MPC1: variants seen among roughly 807,000 people sequenced by gnomAD.
MPC1 encodes the protein HSPC040 protein.
MPC1 carries 6 observed loss-of-function variants against 13.9 expected under a neutral mutation model. The ratio of observed to expected loss-of-function variants is 0.43; its 90% CI spans 0.24 to 0.85. The LOEUF is 0.85. Among genes scored for constraint, MPC1 ranks in the 40% least tolerant of loss-of-function variants. The probability of loss-of-function intolerance (pLI) is 0.24; values close to 1 mark genes in which losing one functional copy is unlikely to be tolerated. For missense variants in MPC1, 115 were observed against 143.3 expected, an observed-to-expected ratio of 0.80 and a Z score of 1.01; for synonymous variants, 47 against 50.5, an observed-to-expected ratio of 0.93 and a Z score of 0.29.
intron 1 of MPC1, among the ~76,000 whole-genome samples, chr6:166,373,717 G>C (rs1583065622): frequency 1.3e-5 from 2 of 152,356 alleles, no homozygotes; most frequent in South Asian, 4.1e-4. Flanking sequence ...AGCAACGAAT[G>C]AGAGTTCCTG....
In MPC1 at chr6:166,382,923, C is replaced by G; in HGVS notation, c.-47G>C. 1 of 1,560,160 alleles carries G rather than the reference C, an allele frequency of 6.4e-7. No individual in the cohort carries two copies. Among genetic ancestry groups the G allele is most frequent in the Non-Finnish European group, 8.7e-7 (1 of 1,154,084 alleles). ...CGAGTGGTCCCTGCCTCTGCTGCCG[C>G]TTCCCAGAGCCAATGACACCCCGGC... On this transcript the variant is annotated 5_prime_UTR_variant, in exon 1 of 5. Coordinates refer to ENST00000360961, the MANE Select transcript of MPC1 (RefSeq NM_016098.4).
At position 166,374,409 on chromosome 6, in the gene MPC1, A is replaced by G. The variant is rs1481819793; in HGVS notation, c.72-4188T>C. ...TCATTCTCTTGACAGCATCCTTCAC[A>G]GAGCAAAACTTTTTAATTTTTATGA... On this transcript the variant is annotated intron_variant, in intron 1 of 4. Transcript: ENST00000360961. 3.3e-5 allele frequency among the ~76,000 whole-genome samples: 5 copies of G among 152,198 alleles called. No homozygotes were observed. In the South Asian group the frequency reaches 8.3e-4, roughly 25 times the overall value.
chr6:166,381,713 A>G (rs1779790580), intron 1 of MPC1: 1 of 654,862 alleles, frequency 1.5e-6, no homozygotes, highest in Non-Finnish European at 1.9e-6. Context: ...TCCAACCGCG[A>G]ATGCTCTTTG....
At chr6:166,367,385 A>G (rs1201305589) in intron 2 of MPC1, among the ~76,000 whole-genome samples, 1 of 152,228 alleles carries the variant, frequency 6.6e-6, no homozygotes, top group Non-Finnish European at 1.5e-5. Context: ...TGAAGAAAGA[A>G]GCTTAATAAG....
intron 1 of MPC1, among the ~76,000 whole-genome samples, chr6:166,378,442 G>GTGTGTA (rs1554266107): frequency 1.3e-5 from 2 of 151,910 alleles, no homozygotes; most frequent in African/African-American, 4.8e-5. Flanking sequence ...GTGTGTGTGT[G>GTGTGTA]TATCCATTCA....
At chr6:166,382,237 C>G (rs188974461) in intron 1 of MPC1, among the ~76,000 whole-genome samples, 1 of 152,092 alleles carries the variant, frequency 6.6e-6, no homozygotes, top group East Asian at 1.9e-4. Flanking sequence ...GTCACCCCTG[C>G]CGGGAGAGGC....
At chr6:166,366,373 A>G (rs1306435801) in intron 3 of MPC1, among the ~76,000 whole-genome samples, 2 of 152,204 alleles carry the variant, frequency 1.3e-5, no homozygotes, top group Non-Finnish European at 2.9e-5. Context: ...TGTTCTAGAC[A>G]CTTTTTTTGT....
chr6:166,379,373 A>G (rs1778404958), intron 1 of MPC1, among the ~76,000 whole-genome samples: 1 of 152,192 alleles, frequency 6.6e-6, no homozygotes, highest in Non-Finnish European at 1.5e-5. Context: ...GCACACCTGT[A>G]GCCCTAGCTA....
chr6:166,381,389 A>G (rs1779775173), intron 1 of MPC1, among the ~76,000 whole-genome samples: 5 of 152,246 alleles, frequency 3.3e-5, no homozygotes. Flanking sequence ...TATTTGCAAT[A>G]AAATTCAGGA....
intron 1 of MPC1, chr6:166,370,480 AC>A: frequency 2.2e-6 from 1 of 449,872 alleles, no homozygotes; most frequent in South Asian, 3.5e-5. Flanking sequence ...TTAGAGCAGA[AC>A]TGTCCAATAG....
chr6:166,365,384 C>T lies in MPC1; in HGVS notation c.*45G>A, dbSNP rs1779110897. The T allele has an allele frequency of 6.1e-6, 9 of 1,475,920 alleles. No homozygotes were observed. In the African/African-American group the frequency reaches 7.2e-5, roughly 12 times the overall value. The allele number at this position is 1,475,920 out of a possible 1,614,324, so 91.4% of individuals were successfully genotyped here. ...AATGAAATCTGTGACTCAGCAGCAG[C>T]TGGCAATGCTGTCCCTTCAAGACCT... On this transcript the variant is annotated 3_prime_UTR_variant, in exon 5 of 5. Transcript: ENST00000360961. The surrounding 1 kb of genome is among the most constrained non-coding windows in gnomAD (Gnocchi z 4.2).
rs886476318 is a variant in MPC1 at position 166,382,895 on chromosome 6, C to G, written c.-19G>C. ...CCGCCATGGCTGTGCCGACACCAGACCCCGAGTGGTCCCTGCCTCTGCTGC... is the reference window on the plus strand; with the variant it reads ...CCGCCATGGCTGTGCCGACACCAGAGCCCGAGTGGTCCCTGCCTCTGCTGC... On this transcript the variant is annotated 5_prime_UTR_variant, in exon 1 of 5. Coordinates refer to ENST00000360961, the MANE Select transcript of MPC1 (RefSeq NM_016098.4). 1 of 1,589,814 alleles carries G rather than the reference C, an allele frequency of 6.3e-7. No homozygotes were observed. Among genetic ancestry groups the G allele is most frequent in the Non-Finnish European group, 8.5e-7 (1 of 1,170,574 alleles).
chr6:166,380,939 C>CAAAAAAAAAAAAAA (rs1175434820), intron 1 of MPC1, among the ~76,000 whole-genome samples: 5 of 47,726 alleles, frequency 1.0e-4, no homozygotes, highest in Admixed American at 2.3e-4. Flanking sequence ...AACTCTGTCT[C>CAAAAAAAAAAAAAA]AAAAAAAAAA....
At chr6:166,381,034 T>C (rs1035420000) in intron 1 of MPC1, among the ~76,000 whole-genome samples, 1 of 152,066 alleles carries the variant, frequency 6.6e-6, no homozygotes, top group Non-Finnish European at 1.5e-5. Context: ...GTATTTTTAA[T>C]TTTACCACAC....
chr6:166,365,477 T>C lies in MPC1; in HGVS notation c.306-24A>G, dbSNP rs1029615916. 3 of 1,564,804 alleles carry C rather than the reference T, an allele frequency of 1.9e-6. No homozygotes were observed. Among genetic ancestry groups the C allele is most frequent in the Non-Finnish European group, 1.7e-6 (2 of 1,154,500 alleles). ...TCCTGGAAAGAAACAAAAAGAAAAA[T>C]TCAATGAGAAACAAAATTTCAATGC... On this transcript the variant is annotated intron_variant, in intron 4 of 4. Transcript: ENST00000360961. The surrounding 1 kb of genome is among the most constrained non-coding windows in gnomAD (Gnocchi z 4.2).
At chr6:166,374,915 G>C (rs549279960) in intron 1 of MPC1, among the ~76,000 whole-genome samples, 1 of 152,202 alleles carries the variant, frequency 6.6e-6, no homozygotes, top group African/African-American at 2.4e-5. Flanking sequence ...TACTGTGTTG[G>C]CTATTTTGGG....
chr6:166,377,195 T>C (rs1157270238), intron 1 of MPC1, among the ~76,000 whole-genome samples: 2 of 149,008 alleles, frequency 1.3e-5, no homozygotes, highest in East Asian at 4.0e-4. Context: ...CAGGCTGGAG[T>C]GCAGTGGCAG....
At chr6:166,375,575 C>G (rs1779538566) in intron 1 of MPC1, among the ~76,000 whole-genome samples, 2 of 151,858 alleles carry the variant, frequency 1.3e-5, no homozygotes, top group Admixed American at 1.3e-4. Flanking sequence ...TTAACTGTAT[C>G]CCACAAATTC....
At chr6:166,380,277 A>T (rs908990042) in intron 1 of MPC1, among the ~76,000 whole-genome samples, 9 of 152,254 alleles carry the variant, frequency 5.9e-5, no homozygotes, top group Admixed American at 4.6e-4. Context: ...TAACCCAAAA[A>T]GAGCATTATC....
Sources: gnomAD v4.1 joint callset for allele counts (sites outside exome capture counted in the v4.1 genomes callset) on GRCh38, gnomAD v4.1.1 for gene constraint, Gnocchi (gnomAD v3.1) non-coding constraint, MANE v1.5 for transcripts, NCBI Gene and HGNC (gene_info 2026-07-23, HGNC 2026-07-21) for gene names.